Variants in INPP4B observed in about 807,000 individuals in gnomAD.
INPP4B encodes inositol polyphosphate 4-phosphatase type II.
Under a neutral mutation model 122.5 loss-of-function variants are expected in INPP4B, and 55 were observed. That is an observed-to-expected ratio of 0.45 (90% CI 0.36 to 0.56). INPP4B has a LOEUF of 0.56. INPP4B is among the 20% of genes least tolerant of loss of function. INPP4B has a pLI of 0.00. For synonymous variants in INPP4B, 403 were observed against 388.7 expected (o/e 1.04, Z -0.43); for missense variants, 1,000 against 1,097.7 (o/e 0.91, Z 1.26).
At chr4:142,306,059 T>C (rs1763229158) in intron 8 of INPP4B, 1 of 345,984 alleles carries the variant, frequency 2.9e-6, no homozygotes, top group Non-Finnish European at 4.1e-6. Flanking sequence ...TCCTTTGTTA[T>C]TTCTTTACTA....
chr4:142,226,660 G>A (rs1257214004), intron 12 of INPP4B, among the ~76,000 whole-genome samples: 1 of 152,158 alleles, frequency 6.6e-6, no homozygotes, highest in Non-Finnish European at 1.5e-5. Flanking sequence ...CTAACGAAAA[G>A]AGTAAAGTTG....
chr4:142,460,873 C>T lies in INPP4B; in HGVS notation c.-127+1790G>A, dbSNP rs751979548. Among the ~76,000 whole-genome samples the T allele has an allele frequency of 2.2e-4, 33 of 152,062 alleles. 1 individual carries two copies. Among genetic ancestry groups the T allele is most frequent in the Admixed American group, 1.1e-3 (17 of 15,246 alleles). On this transcript the variant is annotated intron_variant, in intron 3 of 25. Coordinates refer to ENST00000262992, the MANE Select transcript of INPP4B (RefSeq NM_001101669.3). ...TAGTGCTGCAAAGACAAAATCTCCA[C>T]ATTTTATATCAAATCAAATCATTGG...
Position 142,480,792 on chromosome 4 carries a change from A to C in INPP4B, c.-190-18066T>G, listed in dbSNP as rs190938983. Among the ~76,000 whole-genome samples, 4 of 152,302 alleles carry C rather than the reference A, an allele frequency of 2.6e-5. No individual in the cohort carries two copies. In the East Asian group the frequency reaches 7.7e-4, roughly 29 times the overall value. On this transcript the variant is annotated intron_variant, in intron 2 of 25. Transcript: ENST00000262992. ...AGTGTGGTGATTATAAGCAGCAGGC[A>C]CTTCAGGGAAGCTAGACAATAGGGA...
intron 2 of INPP4B, among the ~76,000 whole-genome samples, chr4:142,678,105 A>G (rs1758082951): frequency 6.6e-6 from 1 of 152,018 alleles, no homozygotes; most frequent in South Asian, 2.1e-4. Flanking sequence ...TTATCTTTTC[A>G]GTAGAAATAC....
In INPP4B at chr4:142,768,257, A is replaced by T. The variant is rs188379974; in HGVS notation, c.-253-42356T>A. On this transcript the variant is annotated intron_variant, in intron 1 of 25. Transcript: ENST00000262992. Reference sequence around the variant, plus strand: ...TTATACCATGTGATACAAAAATAATAACAATAAATTAAGTGAATAAATAAA... The same window carrying T: ...TTATACCATGTGATACAAAAATAATTACAATAAATTAAGTGAATAAATAAA... 2.5e-3 allele frequency among the ~76,000 whole-genome samples: 385 copies of T among 152,328 alleles called. 2 individuals are homozygous for T. Among genetic ancestry groups the T allele is most frequent in the Non-Finnish European group, 4.1e-3 (278 of 68,016 alleles).
chr4:142,422,946 T>C (rs1807252345), intron 5 of INPP4B, among the ~76,000 whole-genome samples: 1 of 152,128 alleles, frequency 6.6e-6, no homozygotes, highest in African/African-American at 2.4e-5. Flanking sequence ...GGTTCTCTTA[T>C]TGCATCCTAT....
At chr4:142,095,051 A>G (rs1204679383) in intron 23 of INPP4B, among the ~76,000 whole-genome samples, 2 of 152,142 alleles carry the variant, frequency 1.3e-5, no homozygotes, top group Non-Finnish European at 2.9e-5. Context: ...CAGTTTATCA[A>G]TGGCAACAAA....
chr4:142,336,495 G>C (rs1038796892), intron 7 of INPP4B, among the ~76,000 whole-genome samples: 1 of 152,218 alleles, frequency 6.6e-6, no homozygotes, highest in Non-Finnish European at 1.5e-5. Flanking sequence ...TGCCCTGCAG[G>C]AGGCAGGAAC....
chr4:142,249,645 T>G lies in INPP4B; in HGVS notation c.688+10847A>C, dbSNP rs534952862. Among the ~76,000 whole-genome samples the G allele has an allele frequency of 2.6e-5, 4 of 152,350 alleles. No homozygotes were observed. The South Asian group carries it at 8.3e-4, about 32-fold the overall frequency. Reference sequence around the variant, plus strand: ...TCAAAAACTGTTTAGGTTAATTTGGTCATTTTAAAATAATTGAAAGGCAAA... The same window carrying G: ...TCAAAAACTGTTTAGGTTAATTTGGGCATTTTAAAATAATTGAAAGGCAAA... On this transcript the variant is annotated intron_variant, in intron 11 of 25. Coordinates refer to ENST00000262992, the MANE Select transcript of INPP4B (RefSeq NM_001101669.3).
At chr4:142,809,238 T>C (rs1779212152) in intron 1 of INPP4B, among the ~76,000 whole-genome samples, 1 of 152,164 alleles carries the variant, frequency 6.6e-6, no homozygotes, top group African/African-American at 2.4e-5. Flanking sequence ...TTTTTATTTC[T>C]GTGGGTACAT....
intron 8 of INPP4B, among the ~76,000 whole-genome samples, chr4:142,307,532 C>A (rs1561815081): frequency 6.6e-6 from 1 of 152,134 alleles, no homozygotes; most frequent in Non-Finnish European, 1.5e-5. Flanking sequence ...TAGACACTGG[C>A]CTTTAAGTAA....
chr4:142,585,287 C>G (rs549860773), intron 2 of INPP4B, among the ~76,000 whole-genome samples: 1 of 152,274 alleles, frequency 6.6e-6, no homozygotes, highest in Admixed American at 6.5e-5. Flanking sequence ...TTATTTAATA[C>G]TGCCTATGAT....
At chr4:142,441,557 G>A (rs1051299929) in intron 3 of INPP4B, among the ~76,000 whole-genome samples, 3 of 152,034 alleles carry the variant, frequency 2.0e-5, no homozygotes, top group Non-Finnish European at 4.4e-5. Flanking sequence ...AAGTATCTTT[G>A]GTTAAGTGTA....
intron 11 of INPP4B, among the ~76,000 whole-genome samples, chr4:142,254,100 C>T (rs1734200387): frequency 6.6e-6 from 1 of 152,152 alleles, no homozygotes; most frequent in Admixed American, 6.5e-5. Flanking sequence ...GGCAGACTGA[C>T]ACCTCACACG....
chr4:142,279,478 G>A (rs1579572282), intron 9 of INPP4B, among the ~76,000 whole-genome samples: 1 of 151,652 alleles, frequency 6.6e-6, no homozygotes, highest in African/African-American at 2.4e-5. Context: ...CAAAGTTACA[G>A]GCAATGGAAT....
chr4:142,144,875 A>G, intron 18 of INPP4B, among the ~76,000 whole-genome samples: 1 of 152,246 alleles, frequency 6.6e-6, no homozygotes, highest in East Asian at 1.9e-4. Flanking sequence ...TTGAGGAAAC[A>G]TAAATCTAAT....
At chr4:142,302,495 C>T (rs1761862520) in intron 9 of INPP4B, among the ~76,000 whole-genome samples, 1 of 152,060 alleles carries the variant, frequency 6.6e-6, no homozygotes, top group Non-Finnish European at 1.5e-5. Flanking sequence ...CATTTAAGAG[C>T]ATTATAACTT....
At chr4:142,085,528 A>C (rs1776308275) in intron 24 of INPP4B, among the ~76,000 whole-genome samples, 1 of 152,190 alleles carries the variant, frequency 6.6e-6, no homozygotes, top group African/African-American at 2.4e-5. Context: ...AAGAGCCTTA[A>C]AAATACAGGC....
At chr4:142,449,695 T>TC (rs1416865462) in intron 3 of INPP4B, among the ~76,000 whole-genome samples, 3 of 142,546 alleles carry the variant, frequency 2.1e-5, no homozygotes, top group African/African-American at 5.5e-5. Flanking sequence ...CAAGACTCTG[T>TC]CCCAAAAAAA....
Sources: gnomAD v4.1 joint callset for allele counts (sites outside exome capture counted in the v4.1 genomes callset) on GRCh38, gnomAD v4.1.1 for gene constraint, MANE v1.5 for transcripts, NCBI Gene and HGNC (gene_info 2026-07-23, HGNC 2026-07-21) for gene names.